ERICH3: variants seen among roughly 807,000 people sequenced by gnomAD.
The protein encoded by ERICH3 is glutamate rich 3, also known as glutamate-rich protein 3.
Under a neutral mutation model 131.1 loss-of-function variants are expected in ERICH3, and 126 were observed. That is an observed-to-expected ratio of 0.96 (90% CI 0.83 to 1.11). The LOEUF (loss-of-function observed/expected upper bound fraction) is 1.11. Among genes scored for constraint, ERICH3 ranks in the 50% most tolerant of loss-of-function variants. ERICH3 has a pLI of 0.00. For missense variants in ERICH3, 2,050 were observed against 1,810.7 expected (o/e 1.13, Z -2.40); for synonymous variants, 695 against 644.6 (o/e 1.08, Z -1.18).
chr1:74,596,832 TAGTC>T (rs1647874539), intron 11 of ERICH3, among the ~76,000 whole-genome samples: 1 of 152,124 alleles, frequency 6.6e-6, no homozygotes, highest in Admixed American at 6.6e-5. Context: ...GGTCCTCTCT[TAGTC>T]AGCTTGCAGC....
intron 4 of ERICH3, 54 bp from the exon 5 acceptor site, chr1:74,641,513 G>C: frequency 1.0e-5 from 16 of 1,549,964 alleles, no homozygotes; most frequent in Non-Finnish European, 1.3e-5. Flanking sequence ...ATCTAGGTTA[G>C]ATTATGCATG....
At chr1:74,631,660 G>T in intron 7 of ERICH3, 53 bp downstream of exon 7, 1 of 1,417,212 alleles carries the variant, frequency 7.1e-7, no homozygotes, top group Non-Finnish European at 1.0e-6. Flanking sequence ...AAATCTAATA[G>T]TGCAATGTAA....
rs200280160 is a variant in ERICH3, at chr1:74,572,069, C to T, written c.3641G>A (p.Gly1214Glu). ...CTCAGCTTCAGGAGCTGCTAAGGCC[C>T]CCTCTCCATCTTGGCGGTGCCCTTC... ...LKEGHRQDGE[G>E]ALAAPEAEPA... Residue 1214 changes from glycine (G) to glutamate (E), a missense_variant, in exon 14 of 15, where the codon GGG becomes GAG. Physicochemically the swap from Gly to Glu is moderately conservative, Grantham distance 98. Coordinates refer to ENST00000326665, the MANE Select transcript of ERICH3 (RefSeq NM_001002912.5). The T allele has an allele frequency of 2.7e-5, 44 of 1,614,224 alleles. No homozygotes were observed. The highest frequency in any genetic ancestry group is 3.4e-5 in the Non-Finnish European group (40 of 1,180,040).
intron 1 of ERICH3, among the ~76,000 whole-genome samples, chr1:74,665,929 A>T (rs1646687900): frequency 6.6e-6 from 1 of 152,198 alleles, no homozygotes; most frequent in Admixed American, 6.5e-5. Context: ...TGACCAACCT[A>T]AGTATATATC....
chr1:74,572,047 A>G lies in ERICH3; in HGVS notation c.3663T>C (p.Ala1221=), dbSNP rs144820586. ...DGEGALAAPE[A]EPAGKVQAPE... The stretch of plus-strand genomic sequence containing the variant: ...GGGCCTGCACCTTTCCTGCTGGCTC[A>G]GCTTCAGGAGCTGCTAAGGCCCCCT... The change falls in exon 14 of 15, where the codon GCT becomes GCC. Residue 1221 remains alanine (A), a synonymous_variant. Transcript: ENST00000326665. 248 of 1,614,152 alleles carry G rather than the reference A, an allele frequency of 1.5e-4. 1 individual carries two copies. The African/African-American group carries it at 2.5e-3, about 16-fold the overall frequency.
intron 9 of ERICH3, among the ~76,000 whole-genome samples, chr1:74,607,494 A>T (rs1648458445): frequency 6.6e-6 from 1 of 152,028 alleles, no homozygotes; most frequent in African/African-American, 2.4e-5. Context: ...ATATACAGTC[A>T]AATGTTGCTG....
At chr1:74,660,313 G>A (rs547537565) in intron 1 of ERICH3, among the ~76,000 whole-genome samples, 2 of 152,008 alleles carry the variant, frequency 1.3e-5, no homozygotes, top group Admixed American at 1.3e-4. Flanking sequence ...AGTAGTGTGA[G>A]AACAGACTAA....
At chr1:74,650,164 C>T (rs1361469461) in intron 1 of ERICH3, among the ~76,000 whole-genome samples, 2 of 152,060 alleles carry the variant, frequency 1.3e-5, no homozygotes, top group Non-Finnish European at 2.9e-5. Context: ...GAAGTGTTAA[C>T]CTCCTTATAT....
chr1:74,580,792 AG>A (rs1647164213), intron 12 of ERICH3, among the ~76,000 whole-genome samples: 1 of 151,484 alleles, frequency 6.6e-6, no homozygotes, highest in African/African-American at 2.5e-5. Context: ...TTTTAGATTC[AG>A]GGGGTACATA....
chr1:74,653,091 C>T (rs1250885354), intron 1 of ERICH3, among the ~76,000 whole-genome samples: 1 of 152,062 alleles, frequency 6.6e-6, no homozygotes, highest in Non-Finnish European at 1.5e-5. Flanking sequence ...CTAACCCTGC[C>T]TCCCACCATG....
intron 13 of ERICH3, among the ~76,000 whole-genome samples, chr1:74,574,815 C>T (rs1570797864): frequency 6.6e-6 from 1 of 152,002 alleles, no homozygotes; most frequent in Admixed American, 6.6e-5. Context: ...CATGTCATGC[C>T]AAACACCTAA....
chr1:74,585,437 T>C (rs1647284058), intron 12 of ERICH3, among the ~76,000 whole-genome samples: 1 of 152,258 alleles, frequency 6.6e-6, no homozygotes, highest in East Asian at 1.9e-4. Flanking sequence ...AGAAGGAAAA[T>C]ATCATTTTAT....
At chr1:74,644,387 T>C (rs550114731) in intron 3 of ERICH3, among the ~76,000 whole-genome samples, 2 of 152,230 alleles carry the variant, frequency 1.3e-5, no homozygotes, top group African/African-American at 4.8e-5. Flanking sequence ...TCCACCAATG[T>C]TTTTGTCTTC....
intron 12 of ERICH3, 188 bp downstream of exon 12, chr1:74,589,443 G>T (rs1288438522): frequency 6.3e-6 from 4 of 639,798 alleles, no homozygotes; most frequent in African/African-American, 3.6e-5. Context: ...TTTTTTAAGT[G>T]CAAGAGAAGG....
At chr1:74,626,823 G>A (rs151302995) in intron 7 of ERICH3, among the ~76,000 whole-genome samples, 401 of 152,218 alleles carry the variant, frequency 2.6e-3, no homozygotes, top group Non-Finnish European at 4.9e-3. Flanking sequence ...ACTGTGAGTC[G>A]TACCACACCT....
intron 8 of ERICH3, among the ~76,000 whole-genome samples, chr1:74,620,126 C>T (rs1183815698): frequency 2.0e-5 from 3 of 152,212 alleles, no homozygotes; most frequent in Non-Finnish European, 4.4e-5. Flanking sequence ...TTTCTTTTCA[C>T]TGCTGCTCCC....
At chr1:74,666,419 T>A (rs72675368) in intron 1 of ERICH3, among the ~76,000 whole-genome samples, 4,423 of 152,230 alleles carry the variant, frequency 0.029, 68 homozygotes, top group Non-Finnish European at 0.044. Flanking sequence ...GTCAAAAAAA[T>A]TTTTAATCCT....
chr1:74,633,666 A>G (rs1046246059), intron 6 of ERICH3, among the ~76,000 whole-genome samples: 1 of 152,030 alleles, frequency 6.6e-6, no homozygotes, highest in African/African-American at 2.4e-5. Flanking sequence ...AGTTAAAACA[A>G]TACCCTATTA....
intron 12 of ERICH3, chr1:74,577,333 T>C (rs905362147): frequency 6.3e-6 from 1 of 158,916 alleles, no homozygotes; most frequent in Non-Finnish European, 1.4e-5. Flanking sequence ...AGGTTCTTCC[T>C]AGGTAATGAT....
Sources: allele counts gnomAD v4.1 joint callset (sites outside exome capture counted in the v4.1 genomes callset), GRCh38; gene constraint gnomAD v4.1.1; transcripts MANE v1.5; gene names NCBI Gene and HGNC (gene_info 2026-07-23, HGNC 2026-07-21).